Variants in PIK3C2B observed in about 807,000 individuals in gnomAD.
PIK3C2B encodes phosphatidylinositol 4-phosphate 3-kinase C2 domain-containing subunit beta.
A neutral mutation model predicts 184.3 loss-of-function variants in PIK3C2B; 83 were observed. That is an observed-to-expected ratio of 0.45 (90% CI 0.38 to 0.54). The LOEUF (loss-of-function observed/expected upper bound fraction) is 0.54. Among genes scored for constraint, PIK3C2B ranks in the 20% least tolerant of loss-of-function variants. The probability of loss-of-function intolerance (pLI) is 0.00; values close to 1 mark genes in which losing one functional copy is unlikely to be tolerated. For missense variants in PIK3C2B, 1,736 were observed against 2,113.5 expected (o/e 0.82, Z 3.50); for synonymous variants, 779 against 837.6 (o/e 0.93, Z 1.21).
chr1:204,485,343 T>C (rs1162040722), intron 1 of PIK3C2B, among the ~76,000 whole-genome samples: 1 of 152,156 alleles, frequency 6.6e-6, no homozygotes, highest in African/African-American at 2.4e-5. Flanking sequence ...ATAAAGCATA[T>C]ATTGGGCACC....
chr1:204,434,681 G>A (rs925924485), intron 23 of PIK3C2B, 73 bp from the exon 24 acceptor site: 8 of 1,288,452 alleles, frequency 6.2e-6, no homozygotes, highest in Non-Finnish European at 7.6e-6. Context: ...GCCACAGCCA[G>A]ACAGAACTCA....
intron 1 of PIK3C2B, among the ~76,000 whole-genome samples, chr1:204,483,651 G>A (rs12402641): frequency 0.39 from 59,149 of 152,096 alleles, 13,703 homozygotes; most frequent in Non-Finnish European, 0.49. Context: ...GAGGGGTATA[G>A]AGCAAAGAAT....
rs373485341 is a variant in PIK3C2B at position 204,424,923 on chromosome 1, G to A, written c.4834C>T (p.Arg1612Ter). The A allele has an allele frequency of 3.1e-6, 5 of 1,614,206 alleles. No individual in the cohort carries two copies. Among genetic ancestry groups the A allele is most frequent in the Non-Finnish European group, 4.2e-6 (5 of 1,180,030 alleles). Residue 1612 changes from arginine to a stop codon, truncating the protein, a stop_gained, in exon 33 of 33, where the codon CGA becomes TGA. Coordinates refer to ENST00000684373, the MANE Select transcript of PIK3C2B (RefSeq NM_001377334.1). LOFTEE classifies it high-confidence loss of function. ...TTCTCCTGAGCCAGGTCCAGCTCTC[G>A]CAGGCGGATGTTCACCTCACCGAGG... ...VLLGEVNIRL[R>*]ELDLAQEKTG...
intron 28 of PIK3C2B, among the ~76,000 whole-genome samples, chr1:204,431,032 A>G (rs1675028065): frequency 6.6e-6 from 1 of 152,262 alleles, no homozygotes; most frequent in Admixed American, 6.5e-5. Flanking sequence ...TTAAGTGTAC[A>G]GTTCTGTGGA....
Position 204,460,537 on chromosome 1 carries a change from C to G in PIK3C2B, c.1422+13G>C, listed in dbSNP as rs762032388. On this transcript the variant is annotated intron_variant, in intron 6 of 32. Transcript: ENST00000684373. ...CCCAGCCCTGGGCAACCCTCCACCACCCTCACACGAACCGTCCGGGCCAGG... is the reference window on the plus strand; with the variant it reads ...CCCAGCCCTGGGCAACCCTCCACCAGCCTCACACGAACCGTCCGGGCCAGG... The G allele has an allele frequency of 1.9e-6, 3 of 1,606,652 alleles. No individual in the cohort carries two copies. Among genetic ancestry groups the G allele is most frequent in the Non-Finnish European group, 2.6e-6 (3 of 1,173,254 alleles).
At chr1:204,475,622 A>G (rs1478071997) in intron 1 of PIK3C2B, among the ~76,000 whole-genome samples, 1 of 152,212 alleles carries the variant, frequency 6.6e-6, no homozygotes, top group African/African-American at 2.4e-5. Flanking sequence ...AAGGATGGCA[A>G]GAAAACCACA....
At position 204,433,902 on chromosome 1, in the gene PIK3C2B, T is replaced by C. The variant is rs942724192; in HGVS notation, c.3734A>G (p.Asn1245Ser). ...VFTSDMAYVI[N>S]GGDKPSSRFH... is the part of the protein sequence containing the mutation. ...GCGGCTGGAAGGCTTGTCACCCCCG[T>C]TGATGACATACGCCATGTCCGAGGT... Residue 1245 changes from asparagine (N) to serine (S), a missense_variant, in exon 25 of 33, where the codon AAC (asparagine) becomes AGC (serine). By Grantham distance (46) the Asn-to-Ser change is conservative. This residue lies in a region of PIK3C2B where 119 missense variants were observed against 179.3 expected (regional missense o/e 0.66). Transcript: ENST00000684373. This position sits in a 1 kb window ranked among gnomAD's most constrained non-coding sequence, Gnocchi z 5.0. 6.2e-7 allele frequency: 1 copy of C among 1,614,038 alleles called. No homozygotes were observed. The highest frequency in any genetic ancestry group is 8.5e-7 in the Non-Finnish European group (1 of 1,179,920).
chr1:204,490,869 T>C (rs1657960180), intron 1 of PIK3C2B, among the ~76,000 whole-genome samples: 1 of 152,142 alleles, frequency 6.6e-6, no homozygotes, highest in Non-Finnish European at 1.5e-5. Flanking sequence ...TCTGCCTTAA[T>C]TTCCCCAGGA....
chr1:204,440,763 A>ATT (rs909208385), intron 21 of PIK3C2B, among the ~76,000 whole-genome samples: 4 of 42,620 alleles, frequency 9.4e-5, no homozygotes, highest in African/African-American at 2.0e-4. Flanking sequence ...CGCCCAGCTA[A>ATT]TTTATATATA....
intron 8 of PIK3C2B, among the ~76,000 whole-genome samples, chr1:204,458,401 T>C (rs1572350229): frequency 6.6e-6 from 1 of 152,152 alleles, no homozygotes; most frequent in South Asian, 2.1e-4. Context: ...GAGCCCTTAA[T>C]TAATTTATTA....
chr1:204,457,086 A>G lies in PIK3C2B; in HGVS notation c.1714-16T>C. ...CACTGGGATCCTGTTGGGAAAAAGAAGAGGGAGGGGAGCTTCAGGGCCATA... is the reference window on the plus strand; with the variant it reads ...CACTGGGATCCTGTTGGGAAAAAGAGGAGGGAGGGGAGCTTCAGGGCCATA... On this transcript the variant is annotated splice_polypyrimidine_tract_variant and intron_variant, in intron 9 of 32. Transcript: ENST00000684373. The G allele has an allele frequency of 6.4e-7, 1 of 1,559,972 alleles. No homozygotes were observed.
intron 1 of PIK3C2B, among the ~76,000 whole-genome samples, chr1:204,483,211 C>T (rs1241628919): frequency 6.6e-6 from 1 of 152,054 alleles, no homozygotes; most frequent in Non-Finnish European, 1.5e-5. Flanking sequence ...CGCTTGAGCC[C>T]AGAAGTTTGA....
intron 2 of PIK3C2B, chr1:204,467,040 C>G (rs772594984): frequency 2.2e-6 from 1 of 452,596 alleles, no homozygotes; most frequent in Non-Finnish European, 4.5e-6. Flanking sequence ...GGCCGCATTT[C>G]CCCACTCAGA....
intron 1 of PIK3C2B, among the ~76,000 whole-genome samples, chr1:204,474,059 T>A (rs1558276990): frequency 6.8e-6 from 1 of 147,954 alleles, no homozygotes; most frequent in African/African-American, 2.5e-5. Flanking sequence ...TGGCGCGATC[T>A]CGGCTCACCG....
chr1:204,443,298 C>T (rs1178791299), intron 19 of PIK3C2B, 119 bp downstream of exon 19: 11 of 917,302 alleles, frequency 1.2e-5, no homozygotes, highest in Non-Finnish European at 8.2e-6. Flanking sequence ...GAGTCAGCTG[C>T]TCCCCGCTCC....
chr1:204,443,992 C>T, intron 18 of PIK3C2B, 76 bp downstream of exon 18: 1 of 1,041,014 alleles, frequency 9.6e-7, no homozygotes, highest in Non-Finnish European at 1.5e-6. Context: ...GTTCCTTGCC[C>T]TTGCGTGCCT....
intron 2 of PIK3C2B, chr1:204,467,141 G>A: frequency 2.9e-6 from 1 of 348,674 alleles, no homozygotes; most frequent in Non-Finnish European, 5.7e-6. Context: ...GCAGGGGATG[G>A]GGAAGGGTGA....
chr1:204,491,545 T>G (rs1572414649), intron 1 of PIK3C2B, among the ~76,000 whole-genome samples: 2 of 151,972 alleles, frequency 1.3e-5, no homozygotes, highest in African/African-American at 4.8e-5. Flanking sequence ...CTTAAAAAAT[T>G]AGCCACATGT....
chr1:204,431,844 T>G (rs1406543704), intron 27 of PIK3C2B, 51 bp from the exon 28 acceptor site: 4 of 1,610,594 alleles, frequency 2.5e-6, no homozygotes, highest in South Asian at 1.1e-5. Flanking sequence ...CTGCACCCAG[T>G]GAAGGGTGTA....
Sources: allele counts gnomAD v4.1 joint callset (sites outside exome capture counted in the v4.1 genomes callset), GRCh38; gene constraint gnomAD v4.1.1; regional missense constraint gnomAD v4.1.1; non-coding constraint Gnocchi (gnomAD v3.1); transcripts MANE v1.5; gene names NCBI Gene and HGNC (gene_info 2026-07-23, HGNC 2026-07-21).